The following TEX11 variants were observed in gnomAD, a reference collection of about 807,000 sequenced individuals.
TEX11 encodes testis-expressed protein 11.
TEX11 carries 7 observed loss-of-function variants against 84.4 expected under a neutral mutation model. The ratio of observed to expected loss-of-function variants is 0.08; its 90% CI spans 0.05 to 0.16. The LOEUF (loss-of-function observed/expected upper bound fraction) is 0.16. Ranked by LOEUF, TEX11 falls within the 10% of genes least tolerant of loss-of-function variation. The pLI is 1.00. For synonymous variants in TEX11, 264 were observed against 222.8 expected (o/e 1.18, Z -1.64); for missense variants, 551 against 660.5 (o/e 0.83, Z 1.82).
intron 8 of TEX11, among the ~76,000 whole-genome samples, chrX:70,825,559 T>C (rs2091340933): frequency 9.0e-6 from 1 of 111,323 alleles, no homozygotes; most frequent in Admixed American, 9.6e-5. Context: ...AGTAAAGAAA[T>C]GAGTCAGCAA....
chrX:70,531,944 C>G (rs2087893822), intron 28 of TEX11, among the ~76,000 whole-genome samples: 1 of 111,476 alleles, frequency 9.0e-6, no homozygotes, highest in Non-Finnish European at 1.9e-5. Context: ...AGTTCTTTGG[C>G]CTAAGCAGAC....
At chrX:70,547,383 C>T (rs1409189317) in intron 28 of TEX11, among the ~76,000 whole-genome samples, 5 of 111,177 alleles carry the variant, frequency 4.5e-5, no homozygotes, top group Admixed American at 2.9e-4. Context: ...TAATAACTAT[C>T]TACACAAAAA....
intron 17 of TEX11, among the ~76,000 whole-genome samples, chrX:70,647,486 A>T (rs183214240): frequency 9.1e-6 from 1 of 110,313 alleles, no homozygotes; most frequent in East Asian, 2.8e-4. Context: ...CTGAAGCAGG[A>T]GGATTGCTTG....
At chrX:70,783,286 A>T (rs1210325257) in intron 9 of TEX11, among the ~76,000 whole-genome samples, 1 of 112,000 alleles carries the variant, frequency 8.9e-6, no homozygotes, top group Non-Finnish European at 1.9e-5. Context: ...AGCCAATGAG[A>T]ACAAAGACAC....
chrX:70,561,800 A>C (rs2088379840), intron 25 of TEX11, among the ~76,000 whole-genome samples: 1 of 112,247 alleles, frequency 8.9e-6, no homozygotes, highest in Non-Finnish European at 1.9e-5. Flanking sequence ...ACATACATAC[A>C]GTTGTTATAA....
intron 11 of TEX11, among the ~76,000 whole-genome samples, chrX:70,732,120 C>T (rs1166616903): frequency 2.7e-5 from 3 of 111,646 alleles, no homozygotes; most frequent in South Asian, 3.8e-4. Flanking sequence ...ATGCTAAAAA[C>T]TCTGAATAAA....
intron 13 of TEX11, among the ~76,000 whole-genome samples, chrX:70,717,850 T>A (rs1337531441): frequency 2.7e-5 from 3 of 112,135 alleles, no homozygotes; most frequent in African/African-American, 9.7e-5. Flanking sequence ...AACTTTATCA[T>A]TAACCGAACG....
At chrX:70,764,120 A>G (rs1421264291) in intron 9 of TEX11, among the ~76,000 whole-genome samples, 4 of 112,184 alleles carry the variant, frequency 3.6e-5, no homozygotes, top group Non-Finnish European at 7.5e-5. Flanking sequence ...AAAATTCAAA[A>G]TAATACCAAG....
intron 9 of TEX11, among the ~76,000 whole-genome samples, chrX:70,771,886 C>T (rs1422059854): frequency 8.9e-6 from 1 of 111,789 alleles, no homozygotes; most frequent in Non-Finnish European, 1.9e-5. Flanking sequence ...TGAACCCAGC[C>T]TCCAGGCGTG....
chrX:70,731,709 G>A (rs2090653064), intron 11 of TEX11, among the ~76,000 whole-genome samples: 1 of 110,267 alleles, frequency 9.1e-6, no homozygotes, highest in South Asian at 3.9e-4. Flanking sequence ...ATTCACAGCC[G>A]AATTCTACCA....
intron 22 of TEX11, among the ~76,000 whole-genome samples, chrX:70,607,782 T>A (rs1172247613): frequency 1.8e-5 from 2 of 112,409 alleles, no homozygotes; most frequent in Non-Finnish European, 3.8e-5. Flanking sequence ...TCAGTCAGCA[T>A]CATCTTCCCC....
chrX:70,890,992 G>A (rs969029918), intron 2 of TEX11, among the ~76,000 whole-genome samples: 2 of 111,903 alleles, frequency 1.8e-5, no homozygotes, highest in Non-Finnish European at 3.8e-5. Flanking sequence ...GTGCCCCTCT[G>A]GGATGAAGCT....
At chrX:70,516,280 C>T in the TEX11 span, among the ~76,000 whole-genome samples, 5 of 111,662 alleles carry the variant, frequency 4.5e-5, no homozygotes, top group Admixed American at 9.5e-5. Flanking sequence ...CTTTAATCCA[C>T]CTTGAATTAA....
At chrX:70,901,022 A>T (rs986789559) in intron 2 of TEX11, among the ~76,000 whole-genome samples, 8 of 111,776 alleles carry the variant, frequency 7.2e-5, no homozygotes, top group African/African-American at 2.6e-4. Context: ...TCAGGAGACC[A>T]GCCTGGGAAA....
At chrX:70,686,996 C>T (rs756604110) in intron 13 of TEX11, among the ~76,000 whole-genome samples, 151 of 111,735 alleles carry the variant, frequency 1.4e-3, no homozygotes, top group Non-Finnish European at 2.1e-3. Context: ...ATGATTAGAT[C>T]GGTTTACTTT....
At chrX:70,588,572 C>CT (rs2088884572) in intron 25 of TEX11, among the ~76,000 whole-genome samples, 1 of 111,620 alleles carries the variant, frequency 9.0e-6, no homozygotes, top group African/African-American at 3.3e-5. Context: ...AATTAAACCT[C>CT]TTTCCTTTAT....
intron 27 of TEX11, among the ~76,000 whole-genome samples, chrX:70,552,967 T>C (rs2088237101): frequency 9.0e-6 from 1 of 111,545 alleles, no homozygotes. Flanking sequence ...ACGTTGGTGT[T>C]TGTTATATTA....
At chrX:70,762,973 G>T (rs1399826442) in intron 9 of TEX11, among the ~76,000 whole-genome samples, 1 of 112,042 alleles carries the variant, frequency 8.9e-6, no homozygotes, top group Non-Finnish European at 1.9e-5. Flanking sequence ...GGCACAGGTT[G>T]CAGTGAGCCA....
At chrX:70,603,682 C>A (rs1201786137) in intron 24 of TEX11, among the ~76,000 whole-genome samples, 3 of 111,365 alleles carry the variant, frequency 2.7e-5, no homozygotes, top group African/African-American at 9.8e-5. Flanking sequence ...CAGTGGCAAC[C>A]AAAGCCAAAA....
Sources: allele counts gnomAD v4.1 joint callset (sites outside exome capture counted in the v4.1 genomes callset), GRCh38; gene constraint gnomAD v4.1.1; transcripts MANE v1.5; gene names NCBI Gene and HGNC (gene_info 2026-07-23, HGNC 2026-07-21).